GPR157: variants seen among roughly 807,000 people sequenced by gnomAD.
The protein encoded by GPR157 is G protein-coupled receptor 157.
GPR157 carries 16 observed loss-of-function variants against 23.5 expected under a neutral mutation model. The observed-to-expected ratio is 0.68, with a 90% confidence interval of 0.46 to 1.04. GPR157 has a LOEUF of 1.04. Among genes scored for constraint, GPR157 ranks in the 50% least tolerant of loss-of-function variants. GPR157 has a pLI of 0.00. For missense variants in GPR157, 440 were observed against 460.7 expected, an observed-to-expected ratio of 0.96 and a Z score of 0.41; for synonymous variants, 200 against 221.5, an observed-to-expected ratio of 0.90 and a Z score of 0.86.
intron 1 of GPR157, among the ~76,000 whole-genome samples, chr1:9,117,489 G>T (rs766532922): frequency 1.4e-4 from 21 of 152,242 alleles, no homozygotes; most frequent in Non-Finnish European, 2.5e-4. Context: ...GCTGGGCACG[G>T]TGGCTCACGC....
Position 9,104,635 on chromosome 1 carries a change from C to T in GPR157, c.793-1G>A, listed in dbSNP as rs753296733. 7.6e-5 allele frequency: 121 copies of T among 1,587,690 alleles called. 3 individuals are homozygous for T. In the South Asian group the frequency reaches 1.2e-3, roughly 16 times the overall value. On this transcript the variant is annotated splice_acceptor_variant, in intron 3 of 3. Coordinates refer to ENST00000377411, the MANE Select transcript of GPR157 (RefSeq NM_024980.5). LOFTEE classifies it high-confidence loss of function. ...CTCCCTGAAACGTGTTCCCGATACC[C>T]TGTCGGGAGAAAAGGAGCTGTGAGC...
intron 2 of GPR157, among the ~76,000 whole-genome samples, chr1:9,108,058 C>G (rs1230836707): frequency 1.4e-4 from 22 of 152,100 alleles, no homozygotes; most frequent in Admixed American, 1.4e-3. Flanking sequence ...CACTGCACTC[C>G]AGCCTGGGCA....
intron 1 of GPR157, among the ~76,000 whole-genome samples, chr1:9,115,596 C>G (rs981034795): frequency 6.6e-6 from 1 of 152,096 alleles, no homozygotes; most frequent in Non-Finnish European, 1.5e-5. Flanking sequence ...TTCTTCCCCC[C>G]ACACTGGGAG....
rs149544138 is a variant in GPR157, at chr1:9,103,605, G to C, written c.*814C>G. 1 of 152,378 alleles carries C rather than the reference G, an allele frequency of 6.6e-6. No homozygotes were observed. The highest frequency in any genetic ancestry group is 2.4e-5 in the African/African-American group (1 of 41,574). 9.4% of individuals were successfully genotyped at this position (152,378 alleles called of 1,614,324 possible). ...GAGGAGGATTCTAAGAAAGGAGCTG[G>C]AGAGACAGTGGGGTCTTCGGGGGTT... is the stretch of plus-strand genomic sequence containing the variant. On this transcript the variant is annotated 3_prime_UTR_variant, in exon 4 of 4. Transcript: ENST00000377411.
At chr1:9,109,888 C>T (rs1638437064) in intron 2 of GPR157, among the ~76,000 whole-genome samples, 1 of 152,138 alleles carries the variant, frequency 6.6e-6, no homozygotes. Flanking sequence ...CAGATGGCCA[C>T]AGCTGCAAGG....
At chr1:9,113,377 T>C (rs979546608) in intron 1 of GPR157, among the ~76,000 whole-genome samples, 3 of 152,042 alleles carry the variant, frequency 2.0e-5, no homozygotes, top group African/African-American at 7.2e-5. Context: ...GCTTCAAGGG[T>C]TTCTCCCAAA....
chr1:9,123,158 G>T (rs1183773506), intron 1 of GPR157, among the ~76,000 whole-genome samples: 1 of 103,446 alleles, frequency 9.7e-6, no homozygotes. Flanking sequence ...AACTGTCTTG[G>T]GTGGGAAAAA....
intron 1 of GPR157, among the ~76,000 whole-genome samples, chr1:9,113,110 G>A (rs1638550445): frequency 6.6e-6 from 1 of 152,202 alleles, no homozygotes; most frequent in Non-Finnish European, 1.5e-5. Flanking sequence ...ACAGGGCCAG[G>A]CAGGTGTGTG....
intron 1 of GPR157, among the ~76,000 whole-genome samples, chr1:9,123,172 A>T (rs866141039): frequency 3.3e-4 from 41 of 125,496 alleles, no homozygotes; most frequent in Middle Eastern, 3.8e-3. Context: ...GGAAAAAAAA[A>T]AAATATATAT....
At chr1:9,104,994 T>C (rs1638249739) in intron 3 of GPR157, among the ~76,000 whole-genome samples, 1 of 137,298 alleles carries the variant, frequency 7.3e-6, no homozygotes, top group South Asian at 2.4e-4. Context: ...AGCCAGACTC[T>C]GTCCCCGCAC....
At position 9,104,650 on chromosome 1, in the gene GPR157, G is replaced by A. The variant is rs1638231028; in HGVS notation, c.793-16C>T. ...TCCCGATACCCTGTCGGGAGAAAAG[G>A]AGCTGTGAGCATGGGGCTGGAGTTG... On this transcript the variant is annotated splice_polypyrimidine_tract_variant and intron_variant, in intron 3 of 3. Transcript: ENST00000377411. 1.3e-6 allele frequency: 2 copies of A among 1,563,124 alleles called. No homozygotes were observed. The highest frequency in any genetic ancestry group is 2.7e-5 in the African/African-American group (2 of 73,694).
At position 9,105,764 on chromosome 1, in the gene GPR157, A is replaced by T; in HGVS notation, c.598-84T>A. On this transcript the variant is annotated intron_variant, in intron 2 of 3. Coordinates refer to ENST00000377411, the MANE Select transcript of GPR157 (RefSeq NM_024980.5). This position sits in a 1 kb window ranked among gnomAD's most constrained non-coding sequence, Gnocchi z 4.8. Reference sequence around the variant, plus strand: ...CCAGGCTGCCCAGGTCTTCCCAGGGACTTGAACTAGCTCAGGGAGGTAGGG... The same window carrying T: ...CCAGGCTGCCCAGGTCTTCCCAGGGTCTTGAACTAGCTCAGGGAGGTAGGG... The T allele has an allele frequency of 8.5e-7, 1 of 1,179,562 alleles. No individual in the cohort carries two copies. Among genetic ancestry groups the T allele is most frequent in the Non-Finnish European group, 1.2e-6 (1 of 830,262 alleles). 73.1% of individuals were successfully genotyped at this position (1,179,562 alleles called of 1,614,324 possible). A position where few individuals can be genotyped will look rare whatever the true frequency, so the allele number is the denominator to read the frequency against.
At chr1:9,124,747 C>G (rs1638928412) in intron 1 of GPR157, among the ~76,000 whole-genome samples, 1 of 152,160 alleles carries the variant, frequency 6.6e-6, no homozygotes, top group Admixed American at 6.6e-5. Flanking sequence ...TAATATCTTG[C>G]TAATCATAGG....
rs762486448 is a variant in GPR157, at chr1:9,105,571, C to A, written c.707G>T (p.Gly236Val). The A allele has an allele frequency of 1.2e-6, 2 of 1,608,810 alleles. No individual in the cohort carries two copies. Among genetic ancestry groups the A allele is most frequent in the Non-Finnish European group, 1.7e-6 (2 of 1,178,306 alleles). ...CCGCACGGTGCTCCAGACCCTGAGG[C>A]CGATGAAGATGAGCGGGATGAGCAC... Reference protein sequence around the residue: ...KLVLIPLIFIGLRVWSTVRFV... With the variant: ...KLVLIPLIFIVLRVWSTVRFV... The change falls in exon 3 of 4, where the codon GGC (glycine) becomes GTC (valine). Residue 236 changes from glycine to valine, a missense_variant. Gly to Val is a moderately radical substitution (Grantham distance 109). Transcript: ENST00000377411. This position sits in a 1 kb window ranked among gnomAD's most constrained non-coding sequence, Gnocchi z 4.8.
At chr1:9,126,936 T>C (rs1182458766) in intron 1 of GPR157, among the ~76,000 whole-genome samples, 1 of 151,964 alleles carries the variant, frequency 6.6e-6, no homozygotes, top group Non-Finnish European at 1.5e-5. Flanking sequence ...AGAGAGGGTG[T>C]TGCTCTGTCT....
In GPR157 at chr1:9,118,912, G is replaced by T. The variant is rs891775584; in HGVS notation, c.384-7423C>A. ...TAGCCAGGCGTGGTGGCACACACCT[G>T]AAGTCCCAGCTACCCAGGAGGCTGA... On this transcript the variant is annotated intron_variant, in intron 1 of 3. Coordinates refer to ENST00000377411, the MANE Select transcript of GPR157 (RefSeq NM_024980.5). This position sits in a 1 kb window ranked among gnomAD's most constrained non-coding sequence, Gnocchi z 4.6. Among the ~76,000 whole-genome samples, 1 of 152,126 alleles carries T rather than the reference G, an allele frequency of 6.6e-6. No homozygotes were observed. Among genetic ancestry groups the T allele is most frequent in the Admixed American group, 6.5e-5 (1 of 15,278 alleles).
At chr1:9,124,829 C>A (rs1457006373) in intron 1 of GPR157, among the ~76,000 whole-genome samples, 2 of 152,202 alleles carry the variant, frequency 1.3e-5, no homozygotes, top group Non-Finnish European at 2.9e-5. Context: ...ATTGTAAATT[C>A]TTATCCCTGT....
At position 9,105,569 on chromosome 1, in the gene GPR157, G is replaced by C. The variant is rs775168347; in HGVS notation, c.709C>G (p.Leu237Val). The C allele has an allele frequency of 1.7e-5, 27 of 1,608,666 alleles. No homozygotes were observed. The Middle Eastern group carries it at 8.3e-4, about 49-fold the overall frequency. ...LVLIPLIFIG[L>V]RVWSTVRFVL... ...AACCGCACGGTGCTCCAGACCCTGA[G>C]GCCGATGAAGATGAGCGGGATGAGC... The change falls in exon 3 of 4, where the codon CTC becomes GTC. Residue 237 changes from leucine (L) to valine (V), a missense_variant. Transcript: ENST00000377411. This position sits in a 1 kb window ranked among gnomAD's most constrained non-coding sequence, Gnocchi z 4.8.
At chr1:9,114,332 A>AAAG (rs1378371274) in intron 1 of GPR157, among the ~76,000 whole-genome samples, 2 of 151,504 alleles carry the variant, frequency 1.3e-5, no homozygotes, top group African/African-American at 4.9e-5. Flanking sequence ...GTCTCAAAAA[A>AAAG]AAAAAAAAAA....
Sources: gnomAD v4.1 joint callset for allele counts (sites outside exome capture counted in the v4.1 genomes callset) on GRCh38, gnomAD v4.1.1 for gene constraint, Gnocchi (gnomAD v3.1) non-coding constraint, MANE v1.5 for transcripts, NCBI Gene and HGNC (gene_info 2026-07-23, HGNC 2026-07-21) for gene names.